GOLM2: variants seen among roughly 807,000 people sequenced by gnomAD.
GOLM2 encodes the protein protein GOLM2.
Under a neutral mutation model 55.9 loss-of-function variants are expected in GOLM2, and 26 were observed. The observed-to-expected ratio is 0.47, with a 90% CI of 0.34 to 0.65. The LOEUF (loss-of-function observed/expected upper bound fraction) is 0.65. Ranked by LOEUF, GOLM2 falls within the 30% of genes least tolerant of loss-of-function variation. The pLI is 0.01. For missense variants in GOLM2, 486 were observed against 531.8 expected (o/e 0.91, Z 0.85); for synonymous variants, 165 against 194.6 (o/e 0.85, Z 1.27).
chr15:44,412,428 T>C (rs546517850), intron 9 of GOLM2, among the ~76,000 whole-genome samples: 2 of 152,290 alleles, frequency 1.3e-5, no homozygotes, highest in Admixed American at 1.3e-4. Flanking sequence ...TAATCTTTTT[T>C]TTCTGTTTAG....
intron 9 of GOLM2, among the ~76,000 whole-genome samples, chr15:44,411,975 TG>T (rs984941245): frequency 1.6e-4 from 25 of 152,150 alleles, no homozygotes; most frequent in African/African-American, 6.0e-4. Context: ...CAGACTAGCC[TG>T]GGCAAATGGC....
chr15:44,327,494 G>T (rs1180666821), intron 2 of GOLM2, among the ~76,000 whole-genome samples: 1 of 151,888 alleles, frequency 6.6e-6, no homozygotes, highest in Non-Finnish European at 1.5e-5. Flanking sequence ...GACTAATTCT[G>T]TAACCCTTCT....
At position 44,412,034 on chromosome 15, in the gene GOLM2, C is replaced by T. The variant is rs151071485; in HGVS notation, c.1241-1302C>T. On this transcript the variant is annotated intron_variant, in intron 9 of 9. Coordinates refer to ENST00000299957, the MANE Select transcript of GOLM2 (RefSeq NM_138423.4). The stretch of plus-strand genomic sequence containing the variant: ...TACAAAATGTAGCCTGGTGTGGTGG[C>T]GTGCACCTGTGGTCCCAGCTACCTG... Among the ~76,000 whole-genome samples the T allele has an allele frequency of 3.1e-3, 479 of 152,100 alleles. 3 individuals are homozygous for T. The highest frequency in any genetic ancestry group is 8.5e-3 in the Admixed American group (130 of 15,244).
intron 1 of GOLM2, among the ~76,000 whole-genome samples, chr15:44,298,930 G>T (rs2078777402): frequency 6.6e-6 from 1 of 150,688 alleles, no homozygotes; most frequent in African/African-American, 2.4e-5. Flanking sequence ...ATCCTTATAA[G>T]AAAAAAAAAT....
intron 6 of GOLM2, among the ~76,000 whole-genome samples, chr15:44,373,709 G>C (rs898139464): frequency 6.6e-6 from 1 of 152,046 alleles, no homozygotes; most frequent in Non-Finnish European, 1.5e-5. Flanking sequence ...AGCCGAGATC[G>C]TGCCACTGCA....
chr15:44,382,920 C>CAAAA (rs748415327), intron 8 of GOLM2, among the ~76,000 whole-genome samples: 1 of 57,656 alleles, frequency 1.7e-5, no homozygotes, highest in African/African-American at 6.7e-5. Context: ...GAGACTCTGT[C>CAAAA]AAAAAAAAAA....
In GOLM2 at chr15:44,414,094, C is replaced by G. The variant is rs1388057976; in HGVS notation, c.*688C>G. Reference sequence around the variant, plus strand: ...CAGGTGATCCTCCTGCATTGGCCTCCCAAAGTGCTGGAATTCCAGGCATGA... The same window carrying G: ...CAGGTGATCCTCCTGCATTGGCCTCGCAAAGTGCTGGAATTCCAGGCATGA... On this transcript the variant is annotated 3_prime_UTR_variant, in exon 10 of 10. Coordinates refer to ENST00000299957, the MANE Select transcript of GOLM2 (RefSeq NM_138423.4). 5 of 152,342 alleles carry G rather than the reference C, an allele frequency of 3.3e-5. No individual in the cohort carries two copies. Among genetic ancestry groups the G allele is most frequent in the African/African-American group, 1.2e-4 (5 of 41,448 alleles). 9.4% of individuals were successfully genotyped at this position (152,342 alleles called of 1,614,324 possible). A position where few individuals can be genotyped will look rare whatever the true frequency, so the allele number is the denominator to read the frequency against.
rs545263892 is a variant in GOLM2 at position 44,320,421 on chromosome 15, C to T, written c.328-2544C>T. Among the ~76,000 whole-genome samples the T allele has an allele frequency of 2.8e-4, 42 of 152,248 alleles. 1 individual carries two copies. The highest frequency in any genetic ancestry group is 1.9e-3 in the Admixed American group (29 of 15,292). On this transcript the variant is annotated intron_variant, in intron 1 of 9. Transcript: ENST00000299957. The stretch of plus-strand genomic sequence containing the variant: ...TCAAGTGATCCTCCTACCTCAGTCA[C>T]CTAAGTAGCTAGGACTACAGACATG...
intron 6 of GOLM2, among the ~76,000 whole-genome samples, chr15:44,344,718 G>C (rs1595637828): frequency 6.6e-6 from 1 of 151,928 alleles, no homozygotes; most frequent in Admixed American, 6.6e-5. Context: ...ACCTTCTAGA[G>C]GGGCTGCGAT....
chr15:44,348,315 G>T (rs961052626), intron 6 of GOLM2, among the ~76,000 whole-genome samples: 3 of 150,696 alleles, frequency 2.0e-5, no homozygotes, highest in Admixed American at 6.6e-5. Context: ...AAGGGAGCCT[G>T]TTGCTCTGAA....
chr15:44,410,393 T>TG, intron 9 of GOLM2, among the ~76,000 whole-genome samples: 1 of 152,356 alleles, frequency 6.6e-6, no homozygotes, highest in South Asian at 2.1e-4. Context: ...ATCGCGCCAC[T>TG]GCGCTCCAGC....
rs1015965684 is a variant in GOLM2, at chr15:44,414,811, T to C, written c.*1405T>C. The stretch of plus-strand genomic sequence containing the variant: ...GTTAGTTAAGAACCCGTCAAGCTTA[T>C]ATTTGCTAGACTTACAAATTATTTT... On this transcript the variant is annotated 3_prime_UTR_variant, in exon 10 of 10. Transcript: ENST00000299957. 4 of 152,680 alleles carry C rather than the reference T, an allele frequency of 2.6e-5. No homozygotes were observed. The highest frequency in any genetic ancestry group is 9.6e-5 in the African/African-American group (4 of 41,468). 9.5% of individuals were successfully genotyped at this position (152,680 alleles called of 1,614,324 possible).
intron 8 of GOLM2, among the ~76,000 whole-genome samples, chr15:44,382,611 A>G (rs1029639078): frequency 2.6e-5 from 4 of 152,128 alleles, no homozygotes; most frequent in South Asian, 2.1e-4. Context: ...ACAGTCATGA[A>G]CTACTGCTCC....
At position 44,289,209 on chromosome 15, in the gene GOLM2, C is replaced by T. The variant is rs554130976; in HGVS notation, c.180C>T (p.Arg60=). The T allele has an allele frequency of 4.3e-6, 7 of 1,614,130 alleles. No individual in the cohort carries two copies. The South Asian group carries it at 7.7e-5, about 18-fold the overall frequency. Residue 60 remains arginine (R), a synonymous_variant, in exon 1 of 10, where the codon CGC becomes CGT. Coordinates refer to ENST00000299957, the MANE Select transcript of GOLM2 (RefSeq NM_138423.4). The surrounding 1 kb of genome is among the most constrained non-coding windows in gnomAD (Gnocchi z 4.8). The part of the protein sequence containing the change: ...QGQVQRTEVA[R]GRLEKRNSDL... ...AGGTCCAGCGCACCGAAGTGGCCCG[C>T]GGGCGGCTGGAAAAGCGCAATTCGG...
chr15:44,351,545 C>G (rs2079163651), intron 6 of GOLM2, among the ~76,000 whole-genome samples: 1 of 145,750 alleles, frequency 6.9e-6, no homozygotes, highest in Admixed American at 6.9e-5. Context: ...CCGCTACACT[C>G]CAGCCTGGGC....
chr15:44,322,742 T>A (rs1352350121), intron 1 of GOLM2, among the ~76,000 whole-genome samples: 1 of 152,208 alleles, frequency 6.6e-6, no homozygotes, highest in African/African-American at 2.4e-5. Flanking sequence ...ACTTTTAAAG[T>A]TGTTACATTG....
chr15:44,333,557 C>T (rs776766870), intron 4 of GOLM2, among the ~76,000 whole-genome samples: 9 of 151,958 alleles, frequency 5.9e-5, no homozygotes, highest in Non-Finnish European at 1.2e-4. Flanking sequence ...GAGTGAGCTA[C>T]CATAGTAGAG....
At chr15:44,328,609 A>G in intron 2 of GOLM2, 76 bp from the exon 3 acceptor site, 1 of 890,636 alleles carries the variant, frequency 1.1e-6, no homozygotes, top group Non-Finnish European at 1.7e-6. Flanking sequence ...AATTAAAAAA[A>G]CATCCCATAG....
intron 6 of GOLM2, among the ~76,000 whole-genome samples, chr15:44,342,038 T>C (rs1232352028): frequency 6.6e-6 from 1 of 152,098 alleles, no homozygotes; most frequent in Non-Finnish European, 1.5e-5. Flanking sequence ...CTACTTTTGA[T>C]GAGATGCCAA....
Sources: gnomAD v4.1 joint callset for allele counts (sites outside exome capture counted in the v4.1 genomes callset) on GRCh38, gnomAD v4.1.1 for gene constraint, Gnocchi (gnomAD v3.1) non-coding constraint, MANE v1.5 for transcripts, NCBI Gene and HGNC (gene_info 2026-07-23, HGNC 2026-07-21) for gene names.